MACROD2: variants seen among roughly 807,000 people sequenced by gnomAD.
The protein encoded by MACROD2 is mono-ADP ribosylhydrolase 2.
In MACROD2, 36 loss-of-function variants were observed where a neutral mutation model predicts 70.4. The observed-to-expected ratio is 0.51, with a 90% CI of 0.39 to 0.68. The LOEUF is 0.68. Ranked by LOEUF, MACROD2 falls within the 30% of genes least tolerant of loss-of-function variation. The pLI, the probability that MACROD2 is intolerant of heterozygous loss-of-function variation, is 0.00. For synonymous variants in MACROD2, 172 were observed against 178.8 expected, an observed-to-expected ratio of 0.96 and a Z score of 0.30; for missense variants, 496 against 538.4, an observed-to-expected ratio of 0.92 and a Z score of 0.78.
chr20:14,774,177 G>A (rs1196117536), intron 5 of MACROD2, among the ~76,000 whole-genome samples: 1 of 151,966 alleles, frequency 6.6e-6, no homozygotes, highest in African/African-American at 2.4e-5. Context: ...AAAAACGGCA[G>A]CATTAAAGAG....
At chr20:14,164,970 C>A (rs2055246258) in intron 3 of MACROD2, among the ~76,000 whole-genome samples, 1 of 152,104 alleles carries the variant, frequency 6.6e-6, no homozygotes, top group Non-Finnish European at 1.5e-5. Flanking sequence ...AATGCATGAC[C>A]CTTCTGCTGC....
At chr20:15,406,571 G>A in intron 6 of MACROD2, among the ~76,000 whole-genome samples, 1 of 152,146 alleles carries the variant, frequency 6.6e-6, no homozygotes. Flanking sequence ...ATTAAAAGAA[G>A]ATGAAAAGTT....
intron 3 of MACROD2, among the ~76,000 whole-genome samples, chr20:14,230,672 T>C (rs928880361): frequency 0.47 from 15,731 of 33,596 alleles, 2,766 homozygotes; most frequent in East Asian, 0.58. Flanking sequence ...GCTGGGCCTA[T>C]ATATATATAT....
At chr20:15,124,745 G>A (rs2076054782) in intron 5 of MACROD2, among the ~76,000 whole-genome samples, 1 of 150,952 alleles carries the variant, frequency 6.6e-6, no homozygotes, top group African/African-American at 2.4e-5. Context: ...TTGAAATTTT[G>A]TCCTTCCCCC....
intron 5 of MACROD2, among the ~76,000 whole-genome samples, chr20:15,052,331 G>T (rs2075448833): frequency 1.3e-5 from 2 of 152,154 alleles, no homozygotes; most frequent in Non-Finnish European, 2.9e-5. Flanking sequence ...ATTGTGCTTT[G>T]CAGATATTGT....
At chr20:15,655,069 T>G (rs1484258529) in intron 8 of MACROD2, among the ~76,000 whole-genome samples, 1 of 152,088 alleles carries the variant, frequency 6.6e-6, no homozygotes, top group East Asian at 1.9e-4. Context: ...TGAGGTCAGA[T>G]AAAGTAAACG....
At chr20:15,194,982 G>T (rs2076595899) in intron 5 of MACROD2, among the ~76,000 whole-genome samples, 3 of 152,110 alleles carry the variant, frequency 2.0e-5, no homozygotes. Context: ...AAGCAATGGG[G>T]AAAGGATTCC....
chr20:14,055,024 T>C (rs188286059), intron 2 of MACROD2, among the ~76,000 whole-genome samples: 1 of 152,292 alleles, frequency 6.6e-6, no homozygotes, highest in Non-Finnish European at 1.5e-5. Context: ...AAGGTCGATA[T>C]GATTATTTTC....
At chr20:15,507,148 C>T (rs1218598705) in intron 8 of MACROD2, among the ~76,000 whole-genome samples, 2 of 152,178 alleles carry the variant, frequency 1.3e-5, no homozygotes, top group African/African-American at 2.4e-5. Flanking sequence ...TTTGCAGATA[C>T]GCTGTGTCGC....
At chr20:14,402,129 T>A (rs1263048609) in intron 3 of MACROD2, among the ~76,000 whole-genome samples, 2 of 152,218 alleles carry the variant, frequency 1.3e-5, no homozygotes, top group Non-Finnish European at 2.9e-5. Flanking sequence ...TATGTGTATG[T>A]GCATGGGTAT....
chr20:14,342,311 A>G (rs993274852), intron 3 of MACROD2, among the ~76,000 whole-genome samples: 4 of 152,178 alleles, frequency 2.6e-5, no homozygotes, highest in Non-Finnish European at 1.5e-5. Flanking sequence ...GGCATATTTT[A>G]TACATGTATA....
intron 3 of MACROD2, among the ~76,000 whole-genome samples, chr20:14,414,325 G>A (rs760914143): frequency 6.6e-6 from 1 of 152,048 alleles, no homozygotes; most frequent in Non-Finnish European, 1.5e-5. Context: ...AACCGTAGTC[G>A]CTCTTTACTT....
chr20:15,145,895 A>G (rs2076226609), intron 5 of MACROD2, among the ~76,000 whole-genome samples: 1 of 152,132 alleles, frequency 6.6e-6, no homozygotes, highest in Non-Finnish European at 1.5e-5. Context: ...GAAAGTGGTG[A>G]CTAGTTTTGA....
intron 3 of MACROD2, among the ~76,000 whole-genome samples, chr20:14,271,244 C>G (rs988737373): frequency 6.6e-5 from 10 of 152,302 alleles, no homozygotes; most frequent in South Asian, 2.1e-4. Flanking sequence ...AGGCACCCCC[C>G]AGTAGGGGCA....
intron 3 of MACROD2, among the ~76,000 whole-genome samples, chr20:14,254,835 C>T (rs571090609): frequency 1.3e-5 from 2 of 152,126 alleles, no homozygotes; most frequent in East Asian, 3.9e-4. Flanking sequence ...TTCTTCCTAG[C>T]CTCGATGGTC....
rs368973781 is a variant in MACROD2, at chr20:14,343,173, C to A, written c.272-150306C>A. Among the ~76,000 whole-genome samples the A allele has an allele frequency of 6.8e-4, 103 of 151,470 alleles. 2 individuals are homozygous for A. In the South Asian group the frequency reaches 0.02, roughly 30 times the overall value. On this transcript the variant is annotated intron_variant, in intron 3 of 17. Transcript: ENST00000684519. The stretch of plus-strand genomic sequence containing the variant: ...ATATAGAACTCCAGCTGATATAGGT[C>A]AAAGCTGTGTCCTTGACCCCTTGCC...
chr20:15,118,653 A>G (rs17273024), intron 5 of MACROD2, among the ~76,000 whole-genome samples: 44,816 of 152,060 alleles, frequency 0.29, 7,962 homozygotes, highest in Non-Finnish European at 0.41. Context: ...CTCTTATAGG[A>G]TACTATTATG....
intron 8 of MACROD2, among the ~76,000 whole-genome samples, chr20:15,706,872 A>C (rs1030419677): frequency 6.6e-6 from 1 of 152,182 alleles, no homozygotes; most frequent in Non-Finnish European, 1.5e-5. Flanking sequence ...AACTGACATC[A>C]CAGGAAGATT....
chr20:15,346,994 C>G (rs187271137), intron 6 of MACROD2, among the ~76,000 whole-genome samples: 120 of 152,254 alleles, frequency 7.9e-4, no homozygotes, highest in Non-Finnish European at 1.3e-3. Flanking sequence ...AGCAGAGATT[C>G]AGTTTAGGAG....
Sources: gnomAD v4.1 joint callset for allele counts (sites outside exome capture counted in the v4.1 genomes callset) on GRCh38, gnomAD v4.1.1 for gene constraint, MANE v1.5 for transcripts, NCBI Gene and HGNC (gene_info 2026-07-23, HGNC 2026-07-21) for gene names.